Variants in CUBN observed in about 807,000 individuals in gnomAD.
CUBN encodes the protein 460 kDa receptor.
Under a neutral mutation model 405.3 loss-of-function variants are expected in CUBN, and 282 were observed. The observed-to-expected ratio is 0.70, with a 90% confidence interval of 0.63 to 0.77. The LOEUF (loss-of-function observed/expected upper bound fraction) is 0.77. CUBN is among the 30% of genes least tolerant of loss of function. The probability of loss-of-function intolerance (pLI) is 0.00; values close to 1 mark genes in which losing one functional copy is unlikely to be tolerated. For synonymous variants in CUBN, 1,684 were observed against 1,617.0 expected, an observed-to-expected ratio of 1.04 and a Z score of -0.99; for missense variants, 4,514 against 4,475.2, an observed-to-expected ratio of 1.01 and a Z score of -0.25.
At chr10:17,026,758 G>A (rs1834677402) in intron 27 of CUBN, among the ~76,000 whole-genome samples, 1 of 152,188 alleles carries the variant, frequency 6.6e-6, no homozygotes, top group Non-Finnish European at 1.5e-5. Flanking sequence ...GGCAAATGTA[G>A]AGGAAGGCTG....
chr10:17,110,310 G>C (rs192053645), intron 9 of CUBN, among the ~76,000 whole-genome samples: 3 of 152,150 alleles, frequency 2.0e-5, no homozygotes, highest in Admixed American at 2.0e-4. Context: ...CAAATTATTC[G>C]TGAGGGCAAT....
At chr10:17,006,149 G>A (rs572236467) in intron 28 of CUBN, among the ~76,000 whole-genome samples, 12 of 152,224 alleles carry the variant, frequency 7.9e-5, no homozygotes, top group Non-Finnish European at 1.3e-4. Flanking sequence ...TTTTTGTTAC[G>A]ACAGCCCAAG....
rs777088237 is a variant in CUBN at position 17,105,463 on chromosome 10, T to C, written c.1224A>G (p.Gln408=). Residue 408 remains glutamine (Q), a synonymous_variant, in exon 11 of 67, where the codon CAA becomes CAG. Transcript: ENST00000377833. ...ICLSHPCLNG[Q]CIDTVSGYFC... Reference sequence around the variant, plus strand: ...GGAAAAACAAAGGACTCACGATGCATTGTCCATTTAGACAGGGGTGACTTA... The same window carrying C: ...GGAAAAACAAAGGACTCACGATGCACTGTCCATTTAGACAGGGGTGACTTA... The C allele has an allele frequency of 4.5e-6, 7 of 1,554,850 alleles. No individual in the cohort carries two copies. The highest frequency in any genetic ancestry group is 2.2e-5 in the East Asian group (1 of 44,610).
chr10:17,129,082 G>A (rs761743422), intron 2 of CUBN, 39 bp downstream of exon 2: 4 of 1,527,676 alleles, frequency 2.6e-6, no homozygotes, highest in Non-Finnish European at 3.6e-6. Flanking sequence ...ACCGTATATG[G>A]ATATACAAAA....
intron 54 of CUBN, among the ~76,000 whole-genome samples, chr10:16,898,066 GTATATATA>G (rs10551726): frequency 6.9e-6 from 1 of 145,032 alleles, no homozygotes; most frequent in Non-Finnish European, 1.5e-5. Flanking sequence ...TTTATTATAT[GTATATATA>G]TATATATATA....
intron 12 of CUBN, 65 bp downstream of exon 12, chr10:17,104,354 G>T: frequency 6.9e-7 from 1 of 1,453,766 alleles, no homozygotes; most frequent in Admixed American, 1.7e-5. Context: ...ATCTGTTGAG[G>T]GACTCACTAA....
intron 48 of CUBN, among the ~76,000 whole-genome samples, chr10:16,913,411 C>T (rs1841789382): frequency 6.6e-6 from 1 of 152,198 alleles, no homozygotes; most frequent in Non-Finnish European, 1.5e-5. Context: ...AAGAGTCCCT[C>T]TGTACCCCTG....
chr10:16,921,730 T>G (rs962124254), intron 43 of CUBN, among the ~76,000 whole-genome samples: 1 of 152,210 alleles, frequency 6.6e-6, no homozygotes, highest in Non-Finnish European at 1.5e-5. Context: ...AATCCTCCTG[T>G]AGGCCTTTCA....
At chr10:17,021,418 G>A (rs118050165) in intron 27 of CUBN, among the ~76,000 whole-genome samples, 1,940 of 152,154 alleles carry the variant, frequency 0.013, 14 homozygotes, top group Non-Finnish European at 0.022. Flanking sequence ...TCACCTAATC[G>A]CCTTCATGTT....
In CUBN at chr10:16,927,924, A is replaced by C. The variant is rs10795433; in HGVS notation, c.6271+233T>G. Among the ~76,000 whole-genome samples the C allele has an allele frequency of 0.32, 48,520 of 151,962 alleles. 10,557 individuals carry two copies. Among genetic ancestry groups the C allele is most frequent in the African/African-American group, 0.61 (25,328 of 41,396 alleles). ...ACACCTCCTTTGGAGCGAAGATGCC[A>C]CACCAGAGACCTGAAGGCAGCACAC... On this transcript the variant is annotated intron_variant, in intron 41 of 66. Coordinates refer to ENST00000377833, the MANE Select transcript of CUBN (RefSeq NM_001081.4).
chr10:16,875,165 T>C (rs2131375492), intron 57 of CUBN, among the ~76,000 whole-genome samples: 1 of 151,994 alleles, frequency 6.6e-6, no homozygotes, highest in African/African-American at 2.4e-5. Context: ...CCAGGCCCGT[T>C]CCTCTCCAGG....
chr10:17,038,536 A>G (rs1834947036), intron 27 of CUBN, among the ~76,000 whole-genome samples: 1 of 152,208 alleles, frequency 6.6e-6, no homozygotes, highest in Non-Finnish European at 1.5e-5. Context: ...TCTGACCAGC[A>G]CGTAATTAAG....
At chr10:16,954,577 G>T in intron 31 of CUBN, 29 bp from the exon 32 acceptor site, 1 of 1,611,450 alleles carries the variant, frequency 6.2e-7, no homozygotes, top group Non-Finnish European at 8.5e-7. Context: ...GGCAAACAGT[G>T]GTTCAGATTC....
rs1162269190 is a variant in CUBN at position 17,068,328 on chromosome 10, T to A, written c.2792-48A>T. 4 of 1,570,112 alleles carry A rather than the reference T, an allele frequency of 2.5e-6. No homozygotes were observed. The South Asian group carries it at 4.4e-5, about 17-fold the overall frequency. On this transcript the variant is annotated intron_variant, in intron 20 of 66. Transcript: ENST00000377833. The stretch of plus-strand genomic sequence containing the variant: ...TACTGCAGCAAGTAACCAAGCTACC[T>A]GGATTTCAAATTAAAAGGCTCTGAT...
At position 16,947,272 on chromosome 10, in the gene CUBN, C is replaced by T. The variant is rs74116778; in HGVS notation, c.5305G>A (p.Val1769Ile). 16,270 of 1,613,902 alleles carry T rather than the reference C, an allele frequency of 0.01. 1,360 individuals are homozygous for T. In the African/African-American group the frequency reaches 0.19, roughly 18 times the overall value. The change falls in exon 36 of 67, where the codon GTC (valine) becomes ATC (isoleucine). Residue 1769 changes from valine to isoleucine, a missense_variant. Around this residue, in one of 5 missense-constraint regions of CUBN, gnomAD observed 1,613 missense variants for 1,542.8 expected, o/e 1.05. Coordinates refer to ENST00000377833, the MANE Select transcript of CUBN (RefSeq NM_001081.4). ...PPNVECVWNI[V>I]SSPGNRLQLS... ...TGGAGCCGGTTGCCAGGGGAACTGACGATGTTCCAGACACATTCCACATTA... is the reference window on the plus strand; with the variant it reads ...TGGAGCCGGTTGCCAGGGGAACTGATGATGTTCCAGACACATTCCACATTA...
chr10:17,106,690 G>GAC (rs144910271), intron 10 of CUBN, among the ~76,000 whole-genome samples: 2 of 151,510 alleles, frequency 1.3e-5, no homozygotes, highest in South Asian at 4.2e-4. Flanking sequence ...CCCGGCCAAG[G>GAC]ACACACACAC....
At chr10:17,115,331 C>T (rs1466985280) in intron 7 of CUBN, 140 bp downstream of exon 7, 7 of 951,322 alleles carry the variant, frequency 7.4e-6, no homozygotes, top group South Asian at 2.8e-5. Context: ...CTCCCCTCCT[C>T]GCCTATGTCC....
chr10:16,835,239 T>G (rs1337942339), intron 63 of CUBN, 44 bp from the exon 64 acceptor site: 6 of 1,459,974 alleles, frequency 4.1e-6, no homozygotes, highest in African/African-American at 2.8e-5. Context: ...ATTCCAATAT[T>G]TAGTGCTCTT....
At chr10:16,950,958 G>A (rs1842907521) in intron 33 of CUBN, among the ~76,000 whole-genome samples, 1 of 152,168 alleles carries the variant, frequency 6.6e-6, no homozygotes, top group Non-Finnish European at 1.5e-5. Flanking sequence ...TTTCAGGCTA[G>A]AGCTAGTGCC....
Sources: gnomAD v4.1 joint callset for allele counts (sites outside exome capture counted in the v4.1 genomes callset) on GRCh38, gnomAD v4.1.1 for gene constraint, gnomAD v4.1.1 regional missense constraint, MANE v1.5 for transcripts, NCBI Gene and HGNC (gene_info 2026-07-23, HGNC 2026-07-21) for gene names.